The following CYB5R4 variants were observed in gnomAD, a reference collection of about 807,000 sequenced individuals.
CYB5R4 encodes the protein cytochrome b5 reductase 4.
A neutral mutation model predicts 70.2 loss-of-function variants in CYB5R4; 55 were observed. That is an observed-to-expected ratio of 0.78 (90% CI 0.63 to 0.98). The LOEUF is 0.98. CYB5R4 is among the 50% of genes least tolerant of loss of function. CYB5R4 has a pLI of 0.00. For synonymous variants in CYB5R4, 197 were observed against 199.5 expected, an observed-to-expected ratio of 0.99 and a Z score of 0.11; for missense variants, 562 against 612.6, an observed-to-expected ratio of 0.92 and a Z score of 0.87.
At chr6:83,873,946 G>A (rs1002704974) in intron 2 of CYB5R4, among the ~76,000 whole-genome samples, 2 of 152,110 alleles carry the variant, frequency 1.3e-5, no homozygotes, top group Admixed American at 1.3e-4. Context: ...TGCAAAGGAT[G>A]GGTGGTGTGT....
chr6:83,957,066 T>C (rs2099472538), intron 15 of CYB5R4, among the ~76,000 whole-genome samples: 1 of 151,888 alleles, frequency 6.6e-6, no homozygotes, highest in Non-Finnish European at 1.5e-5. Flanking sequence ...TAATTAAATA[T>C]ATTTCTATTT....
intron 2 of CYB5R4, among the ~76,000 whole-genome samples, chr6:83,873,235 CTT>C (rs927399068): frequency 5.0e-5 from 5 of 99,772 alleles, no homozygotes; most frequent in Admixed American, 1.1e-4. Context: ...GGGTATCCTT[CTT>C]TTTTTTTTTT....
chr6:83,927,165 G>A (rs561768462), intron 10 of CYB5R4, among the ~76,000 whole-genome samples: 166 of 152,250 alleles, frequency 1.1e-3, no homozygotes, highest in African/African-American at 3.7e-3. Context: ...GGAACTAACT[G>A]CATGTATTCA....
intron 2 of CYB5R4, among the ~76,000 whole-genome samples, chr6:83,884,288 C>T (rs2099459924): frequency 6.6e-6 from 1 of 151,776 alleles, no homozygotes; most frequent in South Asian, 2.1e-4. Flanking sequence ...TACATGATGT[C>T]TATAAGAGGT....
At position 83,961,283 on chromosome 6, in the gene CYB5R4, C is replaced by A. The variant is rs1231398068; in HGVS notation, c.*1405C>A. ...ACTGGTACTGTTCCCTGGTAGGTAA[C>A]AAGAACTTTTTCTAGCTTCATGCCT... On this transcript the variant is annotated 3_prime_UTR_variant, in exon 16 of 16. Coordinates refer to ENST00000369681, the MANE Select transcript of CYB5R4 (RefSeq NM_016230.4). The A allele has an allele frequency of 1.3e-5, 2 of 152,094 alleles. No homozygotes were observed. Among genetic ancestry groups the A allele is most frequent in the African/African-American group, 4.8e-5 (2 of 41,406 alleles). 9.4% of individuals were successfully genotyped at this position (152,094 alleles called of 1,614,324 possible).
chr6:83,867,369 T>C (rs2099456896), intron 2 of CYB5R4, among the ~76,000 whole-genome samples: 1 of 152,222 alleles, frequency 6.6e-6, no homozygotes, highest in East Asian at 1.9e-4. Context: ...TGGAAAGGTA[T>C]GTTAGGTCAG....
chr6:83,929,476 A>G (rs2099467821), intron 10 of CYB5R4: 1 of 152,198 alleles, frequency 6.6e-6, no homozygotes, highest in African/African-American at 2.4e-5. Context: ...GAGAAGAGAA[A>G]CTTTCATTTT....
At chr6:83,955,521 A>G (rs2099472197) in intron 15 of CYB5R4, 59 bp downstream of exon 15, 1 of 1,462,904 alleles carries the variant, frequency 6.8e-7, no homozygotes, top group African/African-American at 1.4e-5. Context: ...ATCTTTCATA[A>G]CAAGCATCTC....
chr6:83,958,944 C>T (rs562549633), intron 15 of CYB5R4, among the ~76,000 whole-genome samples: 12 of 152,154 alleles, frequency 7.9e-5, no homozygotes, highest in South Asian at 2.1e-4. Context: ...TTGAACAATA[C>T]GCAGTATTTC....
intron 2 of CYB5R4, among the ~76,000 whole-genome samples, chr6:83,877,946 G>T (rs1171913425): frequency 6.6e-6 from 1 of 152,070 alleles, no homozygotes; most frequent in African/African-American, 2.4e-5. Context: ...TGGGATTCCA[G>T]TTACAAACAT....
intron 5 of CYB5R4, among the ~76,000 whole-genome samples, chr6:83,916,390 T>G (rs2099465517): frequency 6.6e-6 from 1 of 152,316 alleles, no homozygotes; most frequent in Admixed American, 6.5e-5. Flanking sequence ...GATTTTTATT[T>G]ATATACTTAA....
intron 14 of CYB5R4, among the ~76,000 whole-genome samples, chr6:83,943,808 G>A (rs1588584557): frequency 6.6e-6 from 1 of 151,886 alleles, no homozygotes; most frequent in Non-Finnish European, 1.5e-5. Flanking sequence ...ACATCATGAA[G>A]CATACACAAG....
At chr6:83,868,571 G>A (rs1402988062) in intron 2 of CYB5R4, among the ~76,000 whole-genome samples, 2 of 152,162 alleles carry the variant, frequency 1.3e-5, no homozygotes, top group African/African-American at 2.4e-5. Context: ...TAATGCAGTA[G>A]TAGTTAATTG....
At chr6:83,949,597 T>C (rs1470215567) in intron 14 of CYB5R4, among the ~76,000 whole-genome samples, 1 of 152,162 alleles carries the variant, frequency 6.6e-6, no homozygotes, top group Non-Finnish European at 1.5e-5. Context: ...ACTGTCTATA[T>C]AATTAGGTCC....
At chr6:83,942,906 C>T (rs1429507543) in intron 14 of CYB5R4, among the ~76,000 whole-genome samples, 3 of 152,174 alleles carry the variant, frequency 2.0e-5, no homozygotes, top group Non-Finnish European at 4.4e-5. Flanking sequence ...GCCAGACTGC[C>T]TCTCTAGATT....
chr6:83,946,382 G>T (rs1020791155), intron 14 of CYB5R4, among the ~76,000 whole-genome samples: 1 of 152,100 alleles, frequency 6.6e-6, no homozygotes, highest in African/African-American at 2.4e-5. Flanking sequence ...ACCCCTTCAT[G>T]CTAAAAACAC....
At chr6:83,859,977 G>A in intron 1 of CYB5R4, 120 bp downstream of exon 1, 1 of 921,082 alleles carries the variant, frequency 1.1e-6, no homozygotes, top group Non-Finnish European at 1.6e-6. Context: ...GTTCCCTGCT[G>A]TCCTTGCCTG....
intron 3 of CYB5R4, 34 bp downstream of exon 3, chr6:83,893,656 G>A (rs767176877): frequency 1.6e-6 from 2 of 1,216,158 alleles, no homozygotes; most frequent in Admixed American, 1.9e-5. Flanking sequence ...AAGTATTCCG[G>A]TGGAAGAGTA....
At chr6:83,874,829 T>A (rs2099458247) in intron 2 of CYB5R4, among the ~76,000 whole-genome samples, 1 of 151,734 alleles carries the variant, frequency 6.6e-6, no homozygotes, top group African/African-American at 2.4e-5. Flanking sequence ...TTTTTTATTT[T>A]TATTTTTTTT....
Sources: gnomAD v4.1 joint callset for allele counts (sites outside exome capture counted in the v4.1 genomes callset) on GRCh38, gnomAD v4.1.1 for gene constraint, MANE v1.5 for transcripts, NCBI Gene and HGNC (gene_info 2026-07-23, HGNC 2026-07-21) for gene names.